The following ESR2 variants were observed in gnomAD, a reference collection of about 807,000 sequenced individuals.
ESR2 encodes the protein estrogen receptor beta.
ESR2 carries 36 observed loss-of-function variants against 49.6 expected under a neutral mutation model. That is an observed-to-expected ratio of 0.73 (90% CI 0.56 to 0.96). ESR2 has a LOEUF of 0.96. ESR2 is among the 40% of genes least tolerant of loss of function. The pLI, the probability that ESR2 is intolerant of heterozygous loss-of-function variation, is 0.00. For synonymous variants in ESR2, 320 were observed against 266.1 expected, an observed-to-expected ratio of 1.20 and a Z score of -1.97; for missense variants, 714 against 693.0, an observed-to-expected ratio of 1.03 and a Z score of -0.34.
intron 1 of ESR2, among the ~76,000 whole-genome samples, chr14:64,316,034 C>T (rs1013757987): frequency 2.0e-5 from 3 of 151,178 alleles, no homozygotes; most frequent in Admixed American, 6.6e-5. Context: ...TTTTTAGAGG[C>T]AGTGTCTCAC....
rs1175564328 is a variant in ESR2, at chr14:64,292,735, CCTT to C, written c.-91+1295_-91+1297del. 6.2e-4 allele frequency among the ~76,000 whole-genome samples: 95 copies of C among 152,222 alleles called. 1 individual carries two copies. The highest frequency in any genetic ancestry group is 2.1e-4 in the South Asian group (1 of 4,822). On this transcript the variant is annotated intron_variant, in intron 1 of 8. Transcript: ENST00000341099. Reference sequence around the variant, plus strand: ...TTCAACATACACTTATAGAAAATTTCCTTCTTATTCTTAAAAGTGAACATATCA... The same window carrying C: ...TTCAACATACACTTATAGAAAATTTCCTTATTCTTAAAAGTGAACATATCA...
At chr14:64,235,673 G>A (rs1490580686) in intron 7 of ESR2, among the ~76,000 whole-genome samples, 1 of 152,208 alleles carries the variant, frequency 6.6e-6, no homozygotes, top group Admixed American at 6.5e-5. Context: ...CGCTTGAGTG[G>A]CACCTGGCTG....
intron 5 of ESR2, among the ~76,000 whole-genome samples, chr14:64,258,139 G>A (rs1000548818): frequency 6.6e-6 from 1 of 152,102 alleles, no homozygotes; most frequent in Non-Finnish European, 1.5e-5. Context: ...AGCCCAGGAG[G>A]TCGAGGCTGT....
At chr14:64,304,146 C>CA (rs2077061309) in intron 1 of ESR2, among the ~76,000 whole-genome samples, 1 of 152,170 alleles carries the variant, frequency 6.6e-6, no homozygotes, top group Admixed American at 6.5e-5. Flanking sequence ...TCCATCTCTA[C>CA]AAAAAATACA....
Position 64,230,767 on chromosome 14 carries a change from T to G in ESR2, c.*2370A>C, listed in dbSNP as rs1152577. Among the ~76,000 whole-genome samples, 98,804 of 150,628 alleles carry G rather than the reference T, an allele frequency of 0.66. 33,942 individuals carry two copies. Among genetic ancestry groups the G allele is most frequent in the African/African-American group, 0.88 (36,044 of 41,012 alleles). On this transcript the variant is annotated 3_prime_UTR_variant, in exon 9 of 9. Transcript: ENST00000341099. ...GAAACTCACTGTGCGGCGCTCCTGA[T>G]ACTGCCCACTCGAGGCTCTAAAGGG...
rs1346152438 is a variant in ESR2, at chr14:64,229,010, A to G, written c.*4127T>C. ...GCAGTGCCTAAAAGATGTGAATTTT[A>G]CATGAGTACACTTCCAAGGAACATA... On this transcript the variant is annotated 3_prime_UTR_variant, in exon 9 of 9. Coordinates refer to ENST00000341099, the MANE Select transcript of ESR2 (RefSeq NM_001437.3). Among the ~76,000 whole-genome samples the G allele has an allele frequency of 6.6e-6, 1 of 152,240 alleles. No homozygotes were observed. The highest frequency in any genetic ancestry group is 2.4e-5 in the African/African-American group (1 of 41,470).
intron 1 of ESR2, among the ~76,000 whole-genome samples, chr14:64,283,858 G>A (rs2076736167): frequency 6.6e-6 from 1 of 150,814 alleles, no homozygotes; most frequent in Non-Finnish European, 1.5e-5. Context: ...ATGGGTATTA[G>A]CTGAAGAGAC....
intron 1 of ESR2, among the ~76,000 whole-genome samples, chr14:64,289,346 C>T (rs1323006053): frequency 6.6e-6 from 1 of 151,978 alleles, no homozygotes; most frequent in Non-Finnish European, 1.5e-5. Context: ...AACCCCGTCT[C>T]TACTAAAAAT....
In ESR2 at chr14:64,334,009, A is replaced by T. The variant is rs180742718; in HGVS notation, c.-91+3889T>A. On this transcript the variant is annotated intron_variant, in intron 1 of 8. Coordinates refer to the ESR2 transcript ENST00000358599. ...GTGTTCCAGTGTTCAATACATTTTT[A>T]AAATAAAATCAAGTTAGCACATATA... Among the ~76,000 whole-genome samples the T allele has an allele frequency of 8.5e-3, 1,297 of 152,284 alleles. 8 individuals carry two copies. The highest frequency in any genetic ancestry group is 0.013 in the Non-Finnish European group (872 of 68,024).
intron 1 of ESR2, among the ~76,000 whole-genome samples, chr14:64,285,624 T>C (rs1279013261): frequency 2.0e-5 from 3 of 151,608 alleles, no homozygotes; most frequent in Non-Finnish European, 4.4e-5. Flanking sequence ...GGTCAAGAGT[T>C]TGAGGCCAGC....
upstream of ESR2, among the ~76,000 whole-genome samples, chr14:64,295,315 G>A (rs943566761): frequency 6.6e-6 from 1 of 152,120 alleles, no homozygotes; most frequent in Non-Finnish European, 1.5e-5. Flanking sequence ...GACGAGGGGG[G>A]GCATTTGGAG....
At chr14:64,302,218 G>A (rs1005424468) in intron 1 of ESR2, among the ~76,000 whole-genome samples, 2 of 140,264 alleles carry the variant, frequency 1.4e-5, no homozygotes, top group Non-Finnish European at 3.1e-5. Flanking sequence ...AGACAGTCTC[G>A]CTCTGTCGCC....
chr14:64,259,189 A>G (rs958731375), intron 5 of ESR2, among the ~76,000 whole-genome samples: 1 of 152,266 alleles, frequency 6.6e-6, no homozygotes, highest in Non-Finnish European at 1.5e-5. Flanking sequence ...AAAGGTGAAG[A>G]TGCTAGACAA....
At position 64,237,938 on chromosome 14, in the gene ESR2, TTC is replaced by T. The variant is rs530081114; in HGVS notation, c.1226-2790_1226-2789del. Reference sequence around the variant, plus strand: ...GGTTTCTTTTCAGGTGATGAAAATGTTCTAAAATTGATGGTGGTGATGGTTGC... The same window carrying T: ...GGTTTCTTTTCAGGTGATGAAAATGTTAAAATTGATGGTGGTGATGGTTGC... On this transcript the variant is annotated intron_variant, in intron 7 of 8. Coordinates refer to ENST00000341099, the MANE Select transcript of ESR2 (RefSeq NM_001437.3). Among the ~76,000 whole-genome samples, 447 of 152,280 alleles carry T rather than the reference TTC, an allele frequency of 2.9e-3. 3 individuals are homozygous for T. The highest frequency in any genetic ancestry group is 5.6e-3 in the Non-Finnish European group (379 of 68,032).
rs776039661 is a variant in ESR2 at position 64,268,835 on chromosome 14, G to A, written c.612C>T (p.Cys204=). 7 of 1,613,550 alleles carry A rather than the reference G, an allele frequency of 4.3e-6. No individual in the cohort carries two copies. The highest frequency in any genetic ancestry group is 2.2e-5 in the East Asian group (1 of 44,896). ...DKNRRKSCQA[C]RLRKCYEVGM... The stretch of plus-strand genomic sequence containing the variant: ...CCACTTCGTAACACTTCCGAAGTCG[G>A]CAGGCCTGGCAGCTCTTGCGCCGGT... Residue 204 remains cysteine (C), a synonymous_variant, in exon 4 of 9, where the codon TGC becomes TGT. Transcript: ENST00000341099.
At chr14:64,313,892 A>C (rs1274300645) in intron 1 of ESR2, among the ~76,000 whole-genome samples, 2 of 150,054 alleles carry the variant, frequency 1.3e-5, no homozygotes, top group Non-Finnish European at 3.0e-5. Context: ...AAAAAAAAAA[A>C]GAAAGAAAGA....
intron 6 of ESR2, among the ~76,000 whole-genome samples, chr14:64,256,162 A>G (rs1246907268): frequency 6.6e-6 from 1 of 152,246 alleles, no homozygotes; most frequent in Non-Finnish European, 1.5e-5. Flanking sequence ...TCAATTTCCA[A>G]GAAGATTTCG....
At chr14:64,227,815 GT>G, downstream of ESR2, 1 of 1,567,780 alleles carries the variant, frequency 6.4e-7, no homozygotes, top group Non-Finnish European at 8.6e-7. Flanking sequence ...CTTTTATGAG[GT>G]AGTCTGGGTT....
At chr14:64,294,420 G>A (rs2076925895), upstream of ESR2, 1 of 152,488 alleles carries the variant, frequency 6.6e-6, no homozygotes, top group Non-Finnish European at 1.5e-5. Flanking sequence ...GAGGAGGGTA[G>A]AGGGGAGTAG....
Sources: gnomAD v4.1 joint callset for allele counts (sites outside exome capture counted in the v4.1 genomes callset) on GRCh38, gnomAD v4.1.1 for gene constraint, MANE v1.5 for transcripts, NCBI Gene and HGNC (gene_info 2026-07-23, HGNC 2026-07-21) for gene names.